LDAH: variants seen among roughly 807,000 people sequenced by gnomAD.
LDAH encodes the protein lipid droplet-associated hydrolase.
Under a neutral mutation model 29.6 loss-of-function variants are expected in LDAH, and 26 were observed. The observed-to-expected ratio is 0.88, with a 90% CI of 0.64 to 1.22. The LOEUF is 1.22. Among genes scored for constraint, LDAH ranks in the 50% most tolerant of loss-of-function variants. The probability of loss-of-function intolerance (pLI) is 0.00; values close to 1 mark genes in which losing one functional copy is unlikely to be tolerated. For missense variants in LDAH, 344 were observed against 387.3 expected (o/e 0.89, Z 0.94); for synonymous variants, 117 against 133.0 (o/e 0.88, Z 0.83).
intron 1 of LDAH, among the ~76,000 whole-genome samples, chr2:20,822,784 G>C (rs1436678035): frequency 2.6e-5 from 4 of 152,208 alleles, no homozygotes; most frequent in Non-Finnish European, 1.5e-5. Context: ...GCTACACTTA[G>C]GGGTTCAAAT....
rs374028352 is a variant in LDAH, at chr2:20,782,716, C to T, written c.298+7539G>A. ...GTAATTTGCGTCTTCTCTTTCTCCC[C>T]CCTTGGTTAGCCTGGCTACAGGCTT... On this transcript the variant is annotated intron_variant, in intron 3 of 6. Coordinates refer to ENST00000237822, the MANE Select transcript of LDAH (RefSeq NM_021925.4). Among the ~76,000 whole-genome samples, 813 of 152,186 alleles carry T rather than the reference C, an allele frequency of 5.3e-3. 6 individuals are homozygous for T. The highest frequency in any genetic ancestry group is 0.019 in the African/African-American group (771 of 41,516).
intron 5 of LDAH, among the ~76,000 whole-genome samples, chr2:20,723,180 T>C (rs528644946): frequency 2.0e-5 from 3 of 152,194 alleles, no homozygotes; most frequent in African/African-American, 7.2e-5. Context: ...AATGAAATAA[T>C]TAAAGTTGCA....
intron 5 of LDAH, among the ~76,000 whole-genome samples, chr2:20,733,188 A>G (rs545581693): frequency 1.3e-5 from 2 of 152,060 alleles, no homozygotes; most frequent in South Asian, 4.1e-4. Flanking sequence ...ACAAATTTTA[A>G]TATGCTGTAT....
chr2:20,687,166 C>T (rs1005069781), intron 6 of LDAH, 72 bp from the exon 7 acceptor site: 32 of 1,305,216 alleles, frequency 2.5e-5, no homozygotes, highest in African/African-American at 1.2e-4. Flanking sequence ...CACCAGCAGC[C>T]GGCAGTGCTC....
chr2:20,749,985 G>A (rs1326650410), intron 4 of LDAH, among the ~76,000 whole-genome samples: 3 of 149,846 alleles, frequency 2.0e-5, no homozygotes, highest in African/African-American at 4.9e-5. Context: ...AGCAATAACC[G>A]AAATTTAGTT....
Position 20,740,199 on chromosome 2 carries a change from G to T in LDAH, c.475C>A (p.Arg159Ser), listed in dbSNP as rs371645099. The T allele has an allele frequency of 3.1e-6, 5 of 1,609,314 alleles. No homozygotes were observed. Among genetic ancestry groups the T allele is most frequent in the African/African-American group, 1.3e-5 (1 of 74,942 alleles). ...LKRVPELPVI[R>S]AFLLFPTIER... is the part of the protein sequence containing the mutation. ...ATTGTTGGAAAGAGCAGAAAGGCACGAATTACCTGCAATAAAGAAGCATAC... is the reference window on the plus strand; with the variant it reads ...ATTGTTGGAAAGAGCAGAAAGGCACTAATTACCTGCAATAAAGAAGCATAC... The change falls in exon 5 of 7, where the codon CGT becomes AGT. Residue 159 changes from arginine (R) to serine (S), a missense_variant. By Grantham distance (110) the Arg-to-Ser change is moderately radical. Transcript: ENST00000237822.
chr2:20,737,255 G>A (rs1400257443), intron 5 of LDAH, among the ~76,000 whole-genome samples: 4 of 152,110 alleles, frequency 2.6e-5, no homozygotes, highest in Non-Finnish European at 2.9e-5. Flanking sequence ...TCTTCTTGAT[G>A]TTGTTTTATA....
At chr2:20,764,311 C>T (rs1266729899) in intron 4 of LDAH, among the ~76,000 whole-genome samples, 1 of 152,166 alleles carries the variant, frequency 6.6e-6, no homozygotes, top group African/African-American at 2.4e-5. Flanking sequence ...AATGGAAAAT[C>T]TTTCAGAAAT....
At chr2:20,791,489 C>T (rs557707977) in intron 2 of LDAH, among the ~76,000 whole-genome samples, 2 of 152,302 alleles carry the variant, frequency 1.3e-5, no homozygotes, top group East Asian at 3.9e-4. Context: ...ATACAACGGC[C>T]GTAGCATCCA....
chr2:20,817,732 A>G (rs984539362), intron 1 of LDAH, among the ~76,000 whole-genome samples: 3 of 152,184 alleles, frequency 2.0e-5, no homozygotes, highest in African/African-American at 4.8e-5. Context: ...TAGAAGCTCT[A>G]TTTATAATAG....
intron 4 of LDAH, among the ~76,000 whole-genome samples, chr2:20,756,449 C>T (rs2124931032): frequency 6.6e-6 from 1 of 151,934 alleles, no homozygotes; most frequent in Admixed American, 6.5e-5. Context: ...GAAAGGAATT[C>T]AGAATGAATA....
At chr2:20,727,183 C>T (rs1031947213) in intron 5 of LDAH, among the ~76,000 whole-genome samples, 2 of 152,096 alleles carry the variant, frequency 1.3e-5, no homozygotes, top group Non-Finnish European at 2.9e-5. Flanking sequence ...TTGAGACTAG[C>T]TTGGCCAACA....
chr2:20,752,431 G>C lies in LDAH; in HGVS notation c.469-12226C>G, dbSNP rs546982511. On this transcript the variant is annotated intron_variant, in intron 4 of 6. Transcript: ENST00000237822. The stretch of plus-strand genomic sequence containing the variant: ...AAGTTTCCCCCAAACTGAACAAGAC[G>C]GATACACAGGTCTTCCTACTGAAAT... Among the ~76,000 whole-genome samples, 22 of 152,234 alleles carry C rather than the reference G, an allele frequency of 1.4e-4. No homozygotes were observed. In the South Asian group the frequency reaches 3.3e-3, roughly 23 times the overall value.
At chr2:20,740,318 T>C in intron 4 of LDAH, 113 bp from the exon 5 acceptor site, 1 of 737,606 alleles carries the variant, frequency 1.4e-6, no homozygotes, top group Middle Eastern at 2.4e-4. Context: ...TGACTAGAGA[T>C]CTCTTCAGAG....
intron 4 of LDAH, among the ~76,000 whole-genome samples, chr2:20,761,308 C>T (rs1325171804): frequency 6.6e-6 from 1 of 152,076 alleles, no homozygotes; most frequent in East Asian, 1.9e-4. Context: ...TGGATGTCTT[C>T]CTTTTGGGAT....
At chr2:20,775,827 C>T (rs1669785231) in intron 3 of LDAH, among the ~76,000 whole-genome samples, 1 of 152,174 alleles carries the variant, frequency 6.6e-6, no homozygotes. Flanking sequence ...CAAACTTGCA[C>T]ATTGTCTGTT....
intron 1 of LDAH, among the ~76,000 whole-genome samples, chr2:20,814,123 T>C (rs918314957): frequency 9.2e-5 from 14 of 152,172 alleles, no homozygotes; most frequent in African/African-American, 3.4e-4. Flanking sequence ...GAAACCATCT[T>C]TTCCCCCACT....
At chr2:20,748,719 C>G (rs571566062) in intron 4 of LDAH, among the ~76,000 whole-genome samples, 1 of 152,288 alleles carries the variant, frequency 6.6e-6, no homozygotes, top group Non-Finnish European at 1.5e-5. Context: ...TAGTGAATAG[C>G]AAACCTTAAG....
chr2:20,735,010 C>A (rs370685878), intron 5 of LDAH, among the ~76,000 whole-genome samples: 1 of 152,202 alleles, frequency 6.6e-6, no homozygotes, highest in South Asian at 2.1e-4. Flanking sequence ...AGACTTTCTT[C>A]CATGAATAAT....
Sources: allele counts gnomAD v4.1 joint callset (sites outside exome capture counted in the v4.1 genomes callset), GRCh38; gene constraint gnomAD v4.1.1; transcripts MANE v1.5; gene names NCBI Gene and HGNC (gene_info 2026-07-23, HGNC 2026-07-21).